SNF8: variants seen among roughly 807,000 people sequenced by gnomAD.
SNF8 encodes SNF8 subunit of ESCRT-II.
A neutral mutation model predicts 36.8 loss-of-function variants in SNF8; 19 were observed. The observed-to-expected ratio is 0.52, with a 90% CI of 0.36 to 0.76. SNF8 has a LOEUF of 0.76. Among genes scored for constraint, SNF8 ranks in the 30% least tolerant of loss-of-function variants. The probability of loss-of-function intolerance (pLI) is 0.00; values close to 1 mark genes in which losing one functional copy is unlikely to be tolerated. For synonymous variants in SNF8, 127 were observed against 127.4 expected, an observed-to-expected ratio of 1.00 and a Z score of 0.02; for missense variants, 268 against 322.9, an observed-to-expected ratio of 0.83 and a Z score of 1.30.
In SNF8 at chr17:48,930,564, C is replaced by T. The variant is rs895451660; in HGVS notation, c.688G>A (p.Gly230Arg). The T allele has an allele frequency of 5.0e-6, 8 of 1,613,704 alleles. No homozygotes were observed. Among genetic ancestry groups the T allele is most frequent in the African/African-American group, 1.3e-5 (1 of 74,930 alleles). The change falls in exon 8 of 8, where the codon GGG becomes AGG. Residue 230 changes from glycine to arginine, a missense_variant. Transcript: ENST00000502492. ...GLAWLDLQAP[G>R]EAHYWLPALF... ...GCTGGCAGCCAGTAGTGGGCCTCCC[C>T]TGGGGCCTGTAAGTCCAGCCACGCC...
rs561557891 is a variant in SNF8 at position 48,938,987 on chromosome 17, G to A, written c.245-1863C>T. Among the ~76,000 whole-genome samples, 4 of 151,182 alleles carry A rather than the reference G, an allele frequency of 2.6e-5. No individual in the cohort carries two copies. The East Asian group carries it at 5.9e-4, about 22-fold the overall frequency. The stretch of plus-strand genomic sequence containing the variant: ...AAATCAGTCATCTGTAGCCGGGCGC[G>A]GTAGCTCACACCTGTAATCCCAGTA... On this transcript the variant is annotated intron_variant, in intron 3 of 7. Transcript: ENST00000502492.
intron 7 of SNF8, among the ~76,000 whole-genome samples, chr17:48,931,439 A>T (rs964692925): frequency 1.3e-5 from 2 of 152,214 alleles, no homozygotes; most frequent in African/African-American, 4.8e-5. Flanking sequence ...TATTGTGTGC[A>T]TGCCAGAGTT....
In SNF8 at chr17:48,943,979, TCAGA is replaced by T. The variant is rs756657680; in HGVS notation, c.55-8_55-5del. 1.3e-4 allele frequency: 217 copies of T among 1,613,770 alleles called. No homozygotes were observed. Among genetic ancestry groups the T allele is most frequent in the Middle Eastern group, 3.3e-4 (2 of 6,060 alleles). On this transcript the variant is annotated splice_region_variant and splice_polypyrimidine_tract_variant and intron_variant, in intron 1 of 7. Coordinates refer to ENST00000502492, the MANE Select transcript of SNF8 (RefSeq NM_007241.4). ...TCCCTCGCTCCTTATACTTGGCCTG[TCAGA>T]CAAAGAGACCAGCATAAGTTAAGAG... is the stretch of plus-strand genomic sequence containing the variant.
chr17:48,935,034 G>A (rs2040914206), intron 5 of SNF8, among the ~76,000 whole-genome samples: 1 of 152,054 alleles, frequency 6.6e-6, no homozygotes, highest in South Asian at 2.1e-4. Flanking sequence ...AGCCTTTCTA[G>A]GCACCTACAC....
intron 1 of SNF8, among the ~76,000 whole-genome samples, 174 bp downstream of exon 1, chr17:48,944,507 G>T (rs908033333): frequency 2.0e-5 from 3 of 152,196 alleles, no homozygotes; most frequent in Admixed American, 6.5e-5. Context: ...GAAAGGGCTG[G>T]GCATCTGGGA....
At position 48,944,680 on chromosome 17, in the gene SNF8, C is replaced by T; in HGVS notation, c.54+1G>A. The stretch of plus-strand genomic sequence containing the variant: ...TGTGGGTCGGCCTTCTTCCTGCTCA[C>T]CTCTGCAAGTTTCTTCTTGGCGATG... On this transcript the variant is annotated splice_donor_variant, in intron 1 of 7. Coordinates refer to ENST00000502492, the MANE Select transcript of SNF8 (RefSeq NM_007241.4). LOFTEE classifies it high-confidence loss of function. 1 of 1,612,780 alleles carries T rather than the reference C, an allele frequency of 6.2e-7. No individual in the cohort carries two copies. The highest frequency in any genetic ancestry group is 8.5e-7 in the Non-Finnish European group (1 of 1,179,412).
chr17:48,933,398 ACAC>A, intron 5 of SNF8, 52 bp from the exon 6 acceptor site: 1 of 1,604,874 alleles, frequency 6.2e-7, no homozygotes. Flanking sequence ...AGACCTAACA[ACAC>A]AGTTTCAGCT....
intron 2 of SNF8, among the ~76,000 whole-genome samples, chr17:48,941,512 C>A (rs150636018): frequency 3.9e-4 from 59 of 152,136 alleles, no homozygotes; most frequent in African/African-American, 1.1e-3. Flanking sequence ...CTTTACCCCC[C>A]CCAGCCGACA....
rs1165418055 is a variant in SNF8 at position 48,943,222 on chromosome 17, C to A, written c.105+703G>T. Among the ~76,000 whole-genome samples the A allele has an allele frequency of 2.0e-5, 3 of 151,914 alleles. No individual in the cohort carries two copies. In the East Asian group the frequency reaches 5.9e-4, roughly 30 times the overall value. On this transcript the variant is annotated intron_variant, in intron 2 of 7. Transcript: ENST00000502492. ...CGGTGGCTCACGCCTGTAGTCCCAG[C>A]ACTCTGGGAGGCCGAGGCGGGTGGA...
chr17:48,942,171 A>G (rs2041038419), intron 2 of SNF8, among the ~76,000 whole-genome samples: 1 of 151,924 alleles, frequency 6.6e-6, no homozygotes, highest in African/African-American at 2.4e-5. Context: ...TCTTTTCCTA[A>G]TTAACAAGGA....
At chr17:48,936,148 G>C in intron 5 of SNF8, 22 bp downstream of exon 5, 1 of 1,583,728 alleles carries the variant, frequency 6.3e-7, no homozygotes, top group Non-Finnish European at 8.7e-7. Context: ...TGTACTCCAA[G>C]GGATTGGAAG....
chr17:48,944,390 C>T (rs915711611), intron 1 of SNF8, among the ~76,000 whole-genome samples: 12 of 152,232 alleles, frequency 7.9e-5, no homozygotes, highest in Admixed American at 2.0e-4. Flanking sequence ...AGAGGAGGAT[C>T]TCTGTAAATT....
At chr17:48,939,454 AT>A (rs1027606012) in intron 3 of SNF8, among the ~76,000 whole-genome samples, 1 of 117,098 alleles carries the variant, frequency 8.5e-6, no homozygotes, top group African/African-American at 2.7e-5. Context: ...TAAATTAGTA[AT>A]TTCTTTTTTT....
rs560577563 is a variant in SNF8 at position 48,931,852 on chromosome 17, T to G, written c.565-135A>C. 52 of 652,834 alleles carry G rather than the reference T, an allele frequency of 8.0e-5. No individual in the cohort carries two copies. The Admixed American group carries it at 1.0e-3, about 13-fold the overall frequency. 40.4% of individuals were successfully genotyped at this position (652,834 alleles called of 1,614,324 possible). ...AGCATGAGAGAACACAGAAAATGTTTAAAGGTTCCAGCGGGGAGAGAGAGA... is the reference window on the plus strand; with the variant it reads ...AGCATGAGAGAACACAGAAAATGTTGAAAGGTTCCAGCGGGGAGAGAGAGA... On this transcript the variant is annotated intron_variant, in intron 6 of 7. Transcript: ENST00000502492.
chr17:48,942,508 C>T (rs1298656409), intron 2 of SNF8, among the ~76,000 whole-genome samples: 1 of 152,066 alleles, frequency 6.6e-6, no homozygotes, highest in Non-Finnish European at 1.5e-5. Flanking sequence ...CACTTCTTCC[C>T]CAATCACAAT....
Position 48,931,726 on chromosome 17 carries a change from A to G in SNF8, c.565-9T>C. On this transcript the variant is annotated splice_polypyrimidine_tract_variant and intron_variant, in intron 6 of 7. Coordinates refer to ENST00000502492, the MANE Select transcript of SNF8 (RefSeq NM_007241.4). ...GTCACGTAGCCATTCTTCTGAAGGAAGGAGGAATGGGGATTGAATCAGTTA... is the reference window on the plus strand; with the variant it reads ...GTCACGTAGCCATTCTTCTGAAGGAGGGAGGAATGGGGATTGAATCAGTTA... 6.2e-7 allele frequency: 1 copy of G among 1,611,014 alleles called. No individual in the cohort carries two copies. The highest frequency in any genetic ancestry group is 1.1e-5 in the South Asian group (1 of 90,674).
chr17:48,934,080 G>C (rs889990002), intron 5 of SNF8, among the ~76,000 whole-genome samples: 13 of 151,896 alleles, frequency 8.6e-5, no homozygotes, highest in African/African-American at 3.2e-4. Context: ...CAGAGAAAAA[G>C]AAAACCTACA....
chr17:48,937,650 G>A (rs867244959), intron 3 of SNF8, among the ~76,000 whole-genome samples: 26 of 150,012 alleles, frequency 1.7e-4, no homozygotes, highest in Admixed American at 1.0e-3. Context: ...AAATACAGCC[G>A]GGGACAGTGG....
chr17:48,936,486 A>G (rs996067210), intron 4 of SNF8, among the ~76,000 whole-genome samples: 18 of 152,236 alleles, frequency 1.2e-4, no homozygotes, highest in African/African-American at 4.3e-4. Context: ...TTGAAAAACT[A>G]TAAATGTCCT....
Sources: gnomAD v4.1 joint callset for allele counts (sites outside exome capture counted in the v4.1 genomes callset) on GRCh38, gnomAD v4.1.1 for gene constraint, MANE v1.5 for transcripts, NCBI Gene and HGNC (gene_info 2026-07-23, HGNC 2026-07-21) for gene names.